The following TMC2 variants were observed in gnomAD, a reference collection of about 807,000 sequenced individuals.
TMC2 encodes transmembrane channel like 2.
TMC2 carries 102 observed loss-of-function variants against 105.9 expected under a neutral mutation model. The ratio of observed to expected loss-of-function variants is 0.96; its 90% CI spans 0.82 to 1.14. The LOEUF (loss-of-function observed/expected upper bound fraction) is 1.14. TMC2 is among the 50% of genes most tolerant of loss of function. TMC2 has a pLI of 0.00. For synonymous variants in TMC2, 402 were observed against 422.8 expected (o/e 0.95, Z 0.60); for missense variants, 1,093 against 1,134.3 (o/e 0.96, Z 0.52).
intron 11 of TMC2, among the ~76,000 whole-genome samples, chr20:2,609,152 C>T (rs2086415985): frequency 6.6e-6 from 1 of 152,172 alleles, no homozygotes; most frequent in African/African-American, 2.4e-5. Context: ...GGACCCAGTA[C>T]CTGTCTGGCT....
At chr20:2,605,386 A>T (rs1369421993) in intron 11 of TMC2, among the ~76,000 whole-genome samples, 2 of 152,214 alleles carry the variant, frequency 1.3e-5, no homozygotes, top group Middle Eastern at 3.4e-3. Context: ...GAGATCAAGG[A>T]GTTGGCAGGT....
intron 5 of TMC2, among the ~76,000 whole-genome samples, chr20:2,574,098 T>C (rs778844923): frequency 1.3e-5 from 2 of 152,232 alleles, no homozygotes; most frequent in Admixed American, 6.5e-5. Flanking sequence ...AGATTTTCTT[T>C]GTCACCGTAA....
chr20:2,545,041 A>C (rs965553893), intron 2 of TMC2, among the ~76,000 whole-genome samples: 35 of 132,328 alleles, frequency 2.6e-4, no homozygotes, highest in African/African-American at 8.9e-4. Flanking sequence ...TACCAAAAAA[A>C]AAAAAAAAAA....
Position 2,572,030 on chromosome 20 carries a change from A to G in TMC2, c.555-149A>G. On this transcript the variant is annotated intron_variant, in intron 4 of 19. Coordinates refer to ENST00000358864, the MANE Select transcript of TMC2 (RefSeq NM_080751.3). ...TGGGAAACTTCAGTGGATAAAACAG[A>G]CAGAATGTCGTGCCTTCATGGAATT... 1.1e-5 allele frequency: 7 copies of G among 650,780 alleles called. No homozygotes were observed. The South Asian group carries it at 1.4e-4, about 13-fold the overall frequency. The allele number at this position is 650,780 out of a possible 1,614,324, so 40.3% of individuals were successfully genotyped here. A position where few individuals can be genotyped will look rare whatever the true frequency, so the allele number is the denominator to read the frequency against.
chr20:2,549,465 AG>A lies in TMC2; in HGVS notation c.83-8989del, dbSNP rs555574185. 5.3e-5 allele frequency among the ~76,000 whole-genome samples: 8 copies of A among 152,310 alleles called. No homozygotes were observed. In the East Asian group the frequency reaches 1.5e-3, roughly 29 times the overall value. On this transcript the variant is annotated intron_variant, in intron 2 of 19. Coordinates refer to ENST00000358864, the MANE Select transcript of TMC2 (RefSeq NM_080751.3). ...TTTTTTAAAAAATATTTTTCCAGCCAGGCATGGTTGCTTACGTCTGTAATCC... is the reference window on the plus strand; with the variant it reads ...TTTTTTAAAAAATATTTTTCCAGCCAGCATGGTTGCTTACGTCTGTAATCC...
At position 2,597,151 on chromosome 20, in the gene TMC2, G is replaced by T. The variant is rs2086314061; in HGVS notation, c.1077G>T (p.Ser359=). The T allele has an allele frequency of 1.2e-6, 2 of 1,613,350 alleles. No homozygotes were observed. Among genetic ancestry groups the T allele is most frequent in the African/African-American group, 2.7e-5 (2 of 74,716 alleles). ...CACAACAGTGCTGTGTGCCCTACAG[G>T]ATGGCCAGCAATACCCAAGGAAGCA... ...FGYSLIIVIR[S]MASNTQGSTG... is the part of the protein sequence containing the mutation. The change falls in exon 10 of 20, where the codon TCG becomes TCT. Residue 359 remains serine (S), a splice_region_variant and synonymous_variant. Coordinates refer to ENST00000358864, the MANE Select transcript of TMC2 (RefSeq NM_080751.3).
rs371307343 is a variant in TMC2, at chr20:2,628,163, G to A, written c.2306+3767G>A. ...AGCCTGGGCAAAAGAGCGAGACTCT[G>A]TCTCAAAAAAAAAAAAAAAATCCAG... On this transcript the variant is annotated intron_variant, in intron 17 of 19. Coordinates refer to ENST00000358864, the MANE Select transcript of TMC2 (RefSeq NM_080751.3). Among the ~76,000 whole-genome samples, 148 of 142,882 alleles carry A rather than the reference G, an allele frequency of 1.0e-3. 1 individual carries two copies. In the East Asian group the frequency reaches 0.024, roughly 23 times the overall value. The allele number at this position is 142,882 out of a possible 152,430, so 93.7% of individuals were successfully genotyped here.
intron 4 of TMC2, 23 bp downstream of exon 4, chr20:2,562,033 A>G (rs758701098): frequency 6.2e-7 from 1 of 1,607,374 alleles, no homozygotes; most frequent in South Asian, 1.1e-5. Context: ...CGGGTCAGCC[A>G]GGGCCTTCCG....
chr20:2,571,408 A>T (rs960420779), intron 4 of TMC2, among the ~76,000 whole-genome samples: 1 of 152,238 alleles, frequency 6.6e-6, no homozygotes, highest in Non-Finnish European at 1.5e-5. Context: ...AATTCTCATC[A>T]TCACTAATTA....
intron 10 of TMC2, among the ~76,000 whole-genome samples, chr20:2,600,986 G>GAAAAAAAA (rs55710696): frequency 1.8e-3 from 166 of 90,496 alleles, no homozygotes; most frequent in Middle Eastern, 5.6e-3. Context: ...GACTGTCTCA[G>GAAAAAAAA]AAAAAAAAAA....
rs11467243 is a variant in TMC2 at position 2,642,084 on chromosome 20, TAACAAC to T, written c.*739_*744del. The stretch of plus-strand genomic sequence containing the variant: ...TGGGCAACAGAGTGAGACGCTGTCT[TAACAAC>T]AACAAGTCTGGCCAGGAGTGGTGGC... On this transcript the variant is annotated 3_prime_UTR_variant, in exon 20 of 20. Transcript: ENST00000358864. Among the ~76,000 whole-genome samples, 93,084 of 151,426 alleles carry T rather than the reference TAACAAC, an allele frequency of 0.61. 28,952 individuals carry two copies. Among genetic ancestry groups the T allele is most frequent in the East Asian group, 0.86 (4,387 of 5,126 alleles).
intron 10 of TMC2, among the ~76,000 whole-genome samples, chr20:2,597,502 T>A (rs1168156471): frequency 1.3e-5 from 2 of 152,182 alleles, no homozygotes; most frequent in South Asian, 4.1e-4. Flanking sequence ...TTCTTTTCTT[T>A]TTGAGACAGC....
intron 12 of TMC2, among the ~76,000 whole-genome samples, chr20:2,611,663 C>T (rs2086439197): frequency 6.6e-6 from 1 of 152,226 alleles, no homozygotes; most frequent in Non-Finnish European, 1.5e-5. Context: ...TCATCTCCAT[C>T]ATTTACTAGA....
Position 2,592,501 on chromosome 20 carries a change from A to C in TMC2, c.933+93A>C. 7 of 903,356 alleles carry C rather than the reference A, an allele frequency of 7.7e-6. 1 individual carries two copies. In the South Asian group the frequency reaches 9.7e-5, roughly 12 times the overall value. 56.0% of individuals were successfully genotyped at this position (903,356 alleles called of 1,614,324 possible). On this transcript the variant is annotated intron_variant, in intron 8 of 19. Transcript: ENST00000358864. This position sits in a 1 kb window ranked among gnomAD's most constrained non-coding sequence, Gnocchi z 4.9. ...TATGAAATAGTGCGTTTAATTATTG[A>C]AAAACCATTGCTTTAATAGGATCCC...
At chr20:2,559,069 C>A (rs904082676) in intron 3 of TMC2, among the ~76,000 whole-genome samples, 61 of 151,972 alleles carry the variant, frequency 4.0e-4, no homozygotes, top group Non-Finnish European at 7.4e-5. Context: ...TGGCGGGGCG[C>A]GGGTGGAGAG....
intron 9 of TMC2, among the ~76,000 whole-genome samples, chr20:2,595,400 C>G (rs948143757): frequency 6.6e-6 from 1 of 152,214 alleles, no homozygotes; most frequent in African/African-American, 2.4e-5. Flanking sequence ...CTCCAAAAAA[C>G]TCTTCTGCTC....
In TMC2 at chr20:2,594,824, G is replaced by A. The variant is rs1485622513; in HGVS notation, c.934-1G>A. On this transcript the variant is annotated splice_acceptor_variant, in intron 8 of 19. Coordinates refer to ENST00000358864, the MANE Select transcript of TMC2 (RefSeq NM_080751.3). LOFTEE classifies it high-confidence loss of function. ...GAGCATTTGGCTTTGCTGTCCCCCA[G>A]GGCTATATCAAGTACTCTGCACTCT... The A allele has an allele frequency of 1.9e-6, 3 of 1,613,908 alleles. No individual in the cohort carries two copies. The highest frequency in any genetic ancestry group is 3.3e-5 in the Admixed American group (2 of 59,990).
intron 19 of TMC2, among the ~76,000 whole-genome samples, chr20:2,639,054 C>G (rs111274428): frequency 0.11 from 16,944 of 152,140 alleles, 1,158 homozygotes; most frequent in Middle Eastern, 0.17. Context: ...CACCACCATG[C>G]CTGGCTAATT....
rs978388132 is a variant in TMC2 at position 2,558,622 on chromosome 20, G to A, written c.249G>A (p.Leu83=). The A allele has an allele frequency of 6.4e-7, 1 of 1,563,304 alleles. No homozygotes were observed. Among genetic ancestry groups the A allele is most frequent in the Non-Finnish European group, 8.7e-7 (1 of 1,153,446 alleles). The change falls in exon 3 of 20, where the codon CTG becomes CTA. Residue 83 remains leucine (L), a synonymous_variant. Coordinates refer to ENST00000358864, the MANE Select transcript of TMC2 (RefSeq NM_080751.3). The surrounding 1 kb of genome is among the most constrained non-coding windows in gnomAD (Gnocchi z 4.6). ...GGCGCAGGAGACACAGAGAAGAGCT[G>A]GGGGAGCAGGAGCGGGGCGAGGCAG... The part of the protein sequence containing the change: ...QTGRRRHREE[L]GEQERGEAER...
Sources: allele counts gnomAD v4.1 joint callset (sites outside exome capture counted in the v4.1 genomes callset), GRCh38; gene constraint gnomAD v4.1.1; non-coding constraint Gnocchi (gnomAD v3.1); transcripts MANE v1.5; gene names NCBI Gene and HGNC (gene_info 2026-07-23, HGNC 2026-07-21).